The following MSI2 variants were observed in gnomAD, a reference collection of about 807,000 sequenced individuals.
MSI2 encodes RNA-binding protein Musashi homolog 2.
Under a neutral mutation model 45.6 loss-of-function variants are expected in MSI2, and 17 were observed. The observed-to-expected ratio is 0.37, with a 90% CI of 0.26 to 0.56. The LOEUF is 0.56. Among genes scored for constraint, MSI2 ranks in the 20% least tolerant of loss-of-function variants. The pLI, the probability that MSI2 is intolerant of heterozygous loss-of-function variation, is 0.77. For synonymous variants in MSI2, 156 were observed against 158.2 expected, an observed-to-expected ratio of 0.99 and a Z score of 0.11; for missense variants, 293 against 444.2, an observed-to-expected ratio of 0.66 and a Z score of 3.06.
intron 5 of MSI2, among the ~76,000 whole-genome samples, chr17:57,355,901 T>C (rs1338396406): frequency 6.6e-6 from 1 of 152,118 alleles, no homozygotes; most frequent in Non-Finnish European, 1.5e-5. Flanking sequence ...GGCTAGGACA[T>C]GGGCTATGTT....
At chr17:57,541,074 C>G (rs575969674) in intron 7 of MSI2, among the ~76,000 whole-genome samples, 5 of 152,236 alleles carry the variant, frequency 3.3e-5, no homozygotes, top group Admixed American at 6.5e-5. Flanking sequence ...CGAAGCCTGA[C>G]TTGGTTCACA....
At chr17:57,599,962 G>A (rs1428774189) in intron 8 of MSI2, among the ~76,000 whole-genome samples, 2 of 152,166 alleles carry the variant, frequency 1.3e-5, no homozygotes, top group East Asian at 3.9e-4. Flanking sequence ...CATCATCCAC[G>A]AGTTGTCATT....
chr17:57,541,008 T>G (rs2087033471), intron 7 of MSI2, among the ~76,000 whole-genome samples: 1 of 152,064 alleles, frequency 6.6e-6, no homozygotes. Flanking sequence ...CTAAGCAAAA[T>G]GATGTGCAAG....
intron 5 of MSI2, among the ~76,000 whole-genome samples, chr17:57,273,537 G>GGA (rs1567729127): frequency 3.8e-5 from 2 of 52,700 alleles, no homozygotes; most frequent in African/African-American, 2.8e-4. Context: ...GATGTGGGTG[G>GGA]GGGGGGGGAC....
chr17:57,525,638 A>G (rs1489586840), intron 6 of MSI2, among the ~76,000 whole-genome samples: 1 of 152,176 alleles, frequency 6.6e-6, no homozygotes, highest in Non-Finnish European at 1.5e-5. Context: ...TGTCAGGGCC[A>G]TATCTCAAAC....
chr17:57,334,437 C>T (rs1464344639), intron 5 of MSI2, among the ~76,000 whole-genome samples: 1 of 152,096 alleles, frequency 6.6e-6, no homozygotes, highest in Non-Finnish European at 1.5e-5. Context: ...TAGGGGTTGG[C>T]TGAGGACTGG....
intron 5 of MSI2, among the ~76,000 whole-genome samples, chr17:57,341,980 C>G (rs1484437218): frequency 6.6e-6 from 1 of 151,964 alleles, no homozygotes; most frequent in Non-Finnish European, 1.5e-5. Flanking sequence ...TACATATTGC[C>G]CTATTTTCAG....
intron 5 of MSI2, among the ~76,000 whole-genome samples, chr17:57,334,654 C>G (rs777899802): frequency 5.3e-5 from 8 of 151,940 alleles, no homozygotes; most frequent in Non-Finnish European, 1.2e-4. Flanking sequence ...ATTAGCCGGG[C>G]ATGGTGGTGG....
chr17:57,275,338 A>G (rs867442250), intron 5 of MSI2, among the ~76,000 whole-genome samples: 1 of 152,340 alleles, frequency 6.6e-6, no homozygotes, highest in East Asian at 1.9e-4. Context: ...CTTCAGAGAC[A>G]TGAAAGAGCC....
chr17:57,430,708 T>C (rs906750408), intron 6 of MSI2, among the ~76,000 whole-genome samples: 16 of 152,214 alleles, frequency 1.1e-4, no homozygotes, highest in Admixed American at 9.2e-4. Flanking sequence ...AGCACCCACT[T>C]TTCCCTGGCC....
At position 57,573,548 on chromosome 17, in the gene MSI2, A is replaced by G. The variant is rs78846536; in HGVS notation, c.455-23320A>G. On this transcript the variant is annotated intron_variant, in intron 7 of 13. Transcript: ENST00000284073. ...GAGGTCACCTGAGTTGCTCAGGGTGATAGAGCCCATAGAGTGAGGCTGGGG... is the reference window on the plus strand; with the variant it reads ...GAGGTCACCTGAGTTGCTCAGGGTGGTAGAGCCCATAGAGTGAGGCTGGGG... Among the ~76,000 whole-genome samples, 1,143 of 152,338 alleles carry G rather than the reference A, an allele frequency of 7.5e-3. 14 individuals carry two copies. Among genetic ancestry groups the G allele is most frequent in the African/African-American group, 0.026 (1,097 of 41,572 alleles).
chr17:57,313,213 C>G (rs931949369), intron 5 of MSI2, among the ~76,000 whole-genome samples: 1 of 152,078 alleles, frequency 6.6e-6, no homozygotes, highest in African/African-American at 2.4e-5. Context: ...AAGTTTAAAC[C>G]CAGTGGGTTT....
At chr17:57,342,080 A>G (rs1915212608) in intron 5 of MSI2, among the ~76,000 whole-genome samples, 2 of 152,182 alleles carry the variant, frequency 1.3e-5, no homozygotes, top group Non-Finnish European at 2.9e-5. Context: ...TTTGAAGTAG[A>G]TCCTATTGCA....
chr17:57,545,790 A>T (rs1342967091), intron 7 of MSI2, among the ~76,000 whole-genome samples: 1 of 152,172 alleles, frequency 6.6e-6, no homozygotes, highest in African/African-American at 2.4e-5. Context: ...TGAATGTTAG[A>T]ATAACAGGTT....
At chr17:57,386,337 T>G (rs1466001416) in intron 5 of MSI2, among the ~76,000 whole-genome samples, 1 of 152,134 alleles carries the variant, frequency 6.6e-6, no homozygotes, top group Non-Finnish European at 1.5e-5. Flanking sequence ...ATCTTCTTAG[T>G]GCTTGTGCCC....
At chr17:57,324,481 AGCAGGTAAGATG>A (rs1279297456) in intron 5 of MSI2, among the ~76,000 whole-genome samples, 2 of 152,118 alleles carry the variant, frequency 1.3e-5, no homozygotes, top group African/African-American at 4.8e-5. Flanking sequence ...TGAAGGAGCC[AGCAGGTAAGATG>A]GGGAAAAGCT....
chr17:57,358,198 TGGGG>T (rs56318280), intron 5 of MSI2, among the ~76,000 whole-genome samples: 32 of 147,628 alleles, frequency 2.2e-4, no homozygotes, highest in African/African-American at 5.9e-4. Flanking sequence ...TCTGTGTGTG[TGGGG>T]GGGTGTGTGT....
At chr17:57,677,090 C>G in intron 13 of MSI2, 31 bp downstream of exon 13, 1 of 1,510,302 alleles carries the variant, frequency 6.6e-7, no homozygotes, top group Non-Finnish European at 9.2e-7. Context: ...TGTCTCTGCC[C>G]TGCCGGTGTG....
chr17:57,595,313 T>G (rs1353391727), intron 7 of MSI2, among the ~76,000 whole-genome samples: 7 of 123,268 alleles, frequency 5.7e-5, no homozygotes, highest in Non-Finnish European at 1.0e-4. Flanking sequence ...AGTTTTTGTC[T>G]TCCTGCTTGG....
Sources: gnomAD v4.1 joint callset for allele counts (sites outside exome capture counted in the v4.1 genomes callset) on GRCh38, gnomAD v4.1.1 for gene constraint, MANE v1.5 for transcripts, NCBI Gene and HGNC (gene_info 2026-07-23, HGNC 2026-07-21) for gene names.